TMEM131: variants seen among roughly 807,000 people sequenced by gnomAD.
The protein encoded by TMEM131 is transmembrane protein 131, also known as 2610524E03Rik.
Under a neutral mutation model 211.6 loss-of-function variants are expected in TMEM131, and 66 were observed. The observed-to-expected ratio is 0.31, with a 90% CI of 0.26 to 0.38. TMEM131 has a LOEUF of 0.38. TMEM131 is among the 10% of genes least tolerant of loss of function. The pLI is 1.00. For synonymous variants in TMEM131, 844 were observed against 841.3 expected, an observed-to-expected ratio of 1.00 and a Z score of -0.06; for missense variants, 2,036 against 2,299.3, an observed-to-expected ratio of 0.89 and a Z score of 2.34.
chr2:97,954,648 T>C (rs1004343031), intron 1 of TMEM131, among the ~76,000 whole-genome samples: 8 of 151,576 alleles, frequency 5.3e-5, no homozygotes, highest in Non-Finnish European at 1.2e-4. Context: ...CTACTAAAAA[T>C]ACAAAAAATT....
chr2:97,835,825 T>G (rs1464430521), intron 8 of TMEM131, among the ~76,000 whole-genome samples: 1 of 152,182 alleles, frequency 6.6e-6, no homozygotes, highest in Non-Finnish European at 1.5e-5. Flanking sequence ...CACAGCCCAT[T>G]GGCTTTTTTC....
intron 10 of TMEM131, among the ~76,000 whole-genome samples, chr2:97,833,656 T>C (rs1682812860): frequency 8.0e-5 from 1 of 12,482 alleles, no homozygotes; most frequent in Non-Finnish European, 2.9e-4. Context: ...AATATATACT[T>C]TTTTTTTTTT....
In TMEM131 at chr2:97,913,303, T is replaced by G. The variant is rs568930345; in HGVS notation, c.250-4605A>C. Among the ~76,000 whole-genome samples the G allele has an allele frequency of 5.7e-4, 87 of 152,334 alleles. 1 individual carries two copies. The highest frequency in any genetic ancestry group is 2.0e-3 in the African/African-American group (82 of 41,574). ...CTACAACCTCAATTTTATAGAGATATCAATAATTTAGATGTTCATTTGTAA... is the reference window on the plus strand; with the variant it reads ...CTACAACCTCAATTTTATAGAGATAGCAATAATTTAGATGTTCATTTGTAA... On this transcript the variant is annotated intron_variant, in intron 2 of 40. Coordinates refer to ENST00000186436, the MANE Select transcript of TMEM131 (RefSeq NM_015348.2).
At chr2:97,994,785 A>T (rs1245522892) in intron 1 of TMEM131, among the ~76,000 whole-genome samples, 1 of 152,224 alleles carries the variant, frequency 6.6e-6, no homozygotes, top group Non-Finnish European at 1.5e-5. Context: ...TGAGATTTTT[A>T]AAATAGGGGC....
At chr2:97,875,761 A>T (rs904007984) in intron 4 of TMEM131, among the ~76,000 whole-genome samples, 7 of 152,254 alleles carry the variant, frequency 4.6e-5, no homozygotes, top group Admixed American at 4.6e-4. Flanking sequence ...CATCAGAGAA[A>T]GCAGGAAAGA....
At chr2:97,877,805 T>C (rs1559418555) in intron 4 of TMEM131, among the ~76,000 whole-genome samples, 1 of 152,156 alleles carries the variant, frequency 6.6e-6, no homozygotes, top group Non-Finnish European at 1.5e-5. Flanking sequence ...GGCAAAGACT[T>C]CATGACTAAA....
At chr2:97,863,459 A>ATT (rs1436533555) in intron 4 of TMEM131, among the ~76,000 whole-genome samples, 7 of 152,226 alleles carry the variant, frequency 4.6e-5, no homozygotes, top group African/African-American at 1.7e-4. Context: ...GTTAAGAGAC[A>ATT]GCTCACAGAA....
At chr2:97,914,986 A>G (rs951489128) in intron 2 of TMEM131, among the ~76,000 whole-genome samples, 2 of 152,230 alleles carry the variant, frequency 1.3e-5, no homozygotes, top group Non-Finnish European at 2.9e-5. Context: ...TATCACTCAC[A>G]TACCCTCTAG....
intron 1 of TMEM131, among the ~76,000 whole-genome samples, chr2:97,937,099 C>T (rs1273222448): frequency 6.6e-6 from 1 of 151,960 alleles, no homozygotes; most frequent in Non-Finnish European, 1.5e-5. Flanking sequence ...TCCCTGAGGA[C>T]AGGACTTACT....
intron 12 of TMEM131, among the ~76,000 whole-genome samples, chr2:97,816,569 ATGGTATGACATCTAG>A (rs893239320): frequency 6.6e-6 from 1 of 152,210 alleles, no homozygotes; most frequent in Non-Finnish European, 1.5e-5. Context: ...GAACAAGGAA[ATGGTATGACATCTAG>A]TGTTTGACTA....
intron 4 of TMEM131, among the ~76,000 whole-genome samples, chr2:97,872,272 T>C (rs969765862): frequency 6.6e-6 from 1 of 152,048 alleles, no homozygotes; most frequent in African/African-American, 2.4e-5. Context: ...TTTTAGAAGA[T>C]GCCATGAGTT....
rs1680498028 is a variant in TMEM131, at chr2:97,995,933, G to T, written c.-271C>A. On this transcript the variant is annotated 5_prime_UTR_variant, in exon 1 of 41. Transcript: ENST00000186436. ...GCGGCGGGCGGCCATACTGGAAACG[G>T]GCACGGCCCGCGAGCCCTGAGCGCT... 1 of 192,462 alleles carries T rather than the reference G, an allele frequency of 5.2e-6. No homozygotes were observed. The highest frequency in any genetic ancestry group is 1.1e-5 in the Non-Finnish European group (1 of 94,972). 11.9% of individuals were successfully genotyped at this position (192,462 alleles called of 1,614,324 possible).
intron 5 of TMEM131, among the ~76,000 whole-genome samples, chr2:97,847,364 T>C (rs957985526): frequency 1.3e-5 from 2 of 152,166 alleles, no homozygotes; most frequent in Non-Finnish European, 2.9e-5. Flanking sequence ...GGTCAACATA[T>C]AATGATCAAT....
intron 11 of TMEM131, among the ~76,000 whole-genome samples, chr2:97,832,216 C>T (rs1213782648): frequency 6.6e-6 from 1 of 152,152 alleles, no homozygotes; most frequent in Non-Finnish European, 1.5e-5. Context: ...CTATTTAATT[C>T]CATGTCATAA....
At chr2:97,776,041 A>G in intron 31 of TMEM131, 23 bp from the exon 32 acceptor site, 1 of 1,590,820 alleles carries the variant, frequency 6.3e-7, no homozygotes, top group Non-Finnish European at 8.5e-7. Flanking sequence ...ATTAAAGTAA[A>G]AGAACTCTTG....
chr2:97,797,527 T>G lies in TMEM131; in HGVS notation c.2719-11A>C. 2.5e-6 allele frequency: 4 copies of G among 1,603,654 alleles called. No homozygotes were observed. Among genetic ancestry groups the G allele is most frequent in the Non-Finnish European group, 3.4e-6 (4 of 1,175,716 alleles). ...CTGCAGTGGATGAGCCTTGAATCAT[T>G]GGGTAAACAGAGAGGAGTCATGAAT... On this transcript the variant is annotated splice_polypyrimidine_tract_variant and intron_variant, in intron 25 of 40. Coordinates refer to ENST00000186436, the MANE Select transcript of TMEM131 (RefSeq NM_015348.2).
intron 11 of TMEM131, among the ~76,000 whole-genome samples, chr2:97,822,955 T>C (rs1333665669): frequency 6.6e-6 from 1 of 152,136 alleles, no homozygotes; most frequent in Non-Finnish European, 1.5e-5. Flanking sequence ...ATTCTCTCTC[T>C]GATGGGGAAA....
intron 11 of TMEM131, among the ~76,000 whole-genome samples, chr2:97,830,521 A>G (rs1307652202): frequency 6.6e-6 from 1 of 152,246 alleles, no homozygotes; most frequent in Non-Finnish European, 1.5e-5. Flanking sequence ...GCACTTGAGC[A>G]AATAAGGAAA....
At chr2:97,897,375 A>G (rs1675657494) in intron 3 of TMEM131, among the ~76,000 whole-genome samples, 1 of 152,094 alleles carries the variant, frequency 6.6e-6, no homozygotes, top group Admixed American at 6.6e-5. Flanking sequence ...GAAAGCATTC[A>G]ATCTTTTACC....
Sources: gnomAD v4.1 joint callset for allele counts (sites outside exome capture counted in the v4.1 genomes callset) on GRCh38, gnomAD v4.1.1 for gene constraint, MANE v1.5 for transcripts, NCBI Gene and HGNC (gene_info 2026-07-23, HGNC 2026-07-21) for gene names.